The following LPAR3 variants were observed in gnomAD, a reference collection of about 807,000 sequenced individuals.
The protein encoded by LPAR3 is lysophosphatidic acid receptor 3, also known as LPA receptor 3.
Under a neutral mutation model 17.8 loss-of-function variants are expected in LPAR3, and 7 were observed. The observed-to-expected ratio is 0.39, with a 90% CI of 0.22 to 0.74. The LOEUF (loss-of-function observed/expected upper bound fraction) is 0.74. Among genes scored for constraint, LPAR3 ranks in the 30% least tolerant of loss-of-function variants. The probability of loss-of-function intolerance (pLI) is 0.40; values close to 1 mark genes in which losing one functional copy is unlikely to be tolerated. For missense variants in LPAR3, 391 were observed against 453.4 expected (o/e 0.86, Z 1.25); for synonymous variants, 179 against 179.9 (o/e 0.99, Z 0.04).
At chr1:84,846,918 A>G (rs1659604241) in intron 2 of LPAR3, among the ~76,000 whole-genome samples, 1 of 152,172 alleles carries the variant, frequency 6.6e-6, no homozygotes, top group African/African-American at 2.4e-5. Context: ...CTATCTGGAA[A>G]TTTTGGAGGG....
intron 2 of LPAR3, among the ~76,000 whole-genome samples, chr1:84,821,572 C>T (rs1659053838): frequency 6.6e-6 from 1 of 152,166 alleles, no homozygotes; most frequent in Admixed American, 6.6e-5. Flanking sequence ...AAACCTAGTC[C>T]TGCCAAATGA....
intron 1 of LPAR3, among the ~76,000 whole-genome samples, chr1:84,872,782 G>A (rs530572062): frequency 2.0e-5 from 3 of 152,268 alleles, no homozygotes; most frequent in East Asian, 3.9e-4. Context: ...GGCGGGCGGT[G>A]GGGGCAGTTA....
intron 1 of LPAR3, among the ~76,000 whole-genome samples, chr1:84,867,956 C>A (rs1660085300): frequency 6.6e-6 from 1 of 152,144 alleles, no homozygotes; most frequent in Non-Finnish European, 1.5e-5. Flanking sequence ...CTGTATTTCA[C>A]TTTTATAAGC....
At chr1:84,829,854 C>T (rs988607031) in intron 2 of LPAR3, among the ~76,000 whole-genome samples, 1 of 152,086 alleles carries the variant, frequency 6.6e-6, no homozygotes, top group Non-Finnish European at 1.5e-5. Context: ...ATAAATAGAA[C>T]ATGTATAAGA....
At position 84,835,565 on chromosome 1, in the gene LPAR3, T is replaced by C. The variant is rs1007891358; in HGVS notation, c.737-21394A>G. ...TTGGCATAACATTTGACTCTGTTGA[T>C]GGCTATTTAGATCTGGAACCTCCTA... is the stretch of plus-strand genomic sequence containing the variant. On this transcript the variant is annotated intron_variant, in intron 2 of 2. Transcript: ENST00000370611. 1.7e-4 allele frequency among the ~76,000 whole-genome samples: 26 copies of C among 152,224 alleles called. 2 individuals are homozygous for C. Among genetic ancestry groups the C allele is most frequent in the Non-Finnish European group, 4.4e-5 (3 of 68,032 alleles).
intron 1 of LPAR3, among the ~76,000 whole-genome samples, chr1:84,890,908 A>C (rs980491785): frequency 2.0e-5 from 3 of 152,140 alleles, no homozygotes; most frequent in Non-Finnish European, 4.4e-5. Flanking sequence ...TGATGTTGAG[A>C]GTGTGTGTCT....
chr1:84,884,487 TA>T (rs1660422688), intron 1 of LPAR3, among the ~76,000 whole-genome samples: 2 of 152,206 alleles, frequency 1.3e-5, no homozygotes, highest in African/African-American at 4.8e-5. Context: ...GAGTTTTTGG[TA>T]AGAGTTTATG....
intron 1 of LPAR3, 102 bp from the exon 2 acceptor site, chr1:84,866,240 G>C (rs1660046921): frequency 2.3e-6 from 2 of 856,760 alleles, no homozygotes; most frequent in Admixed American, 2.6e-5. Context: ...CCCATCAAGG[G>C]AGTTGAAGAC....
chr1:84,835,827 C>A (rs1659392411), intron 2 of LPAR3, among the ~76,000 whole-genome samples: 1 of 152,124 alleles, frequency 6.6e-6, no homozygotes, highest in South Asian at 2.1e-4. Context: ...CCTGCCCACA[C>A]TTCTTGGTCA....
chr1:84,850,412 A>AAAAAAAG (rs1553148195), intron 2 of LPAR3, among the ~76,000 whole-genome samples: 55 of 149,702 alleles, frequency 3.7e-4, no homozygotes, highest in Non-Finnish European at 6.5e-4. Flanking sequence ...AAAAAAAAAA[A>AAAAAAAG]AAAAAGAAAA....
At position 84,814,108 on chromosome 1, in the gene LPAR3, C is replaced by CT; in HGVS notation, c.799dup (p.Arg267LysfsTer66). ...TTTCACATGCTGCACGCCACACTGCCTGCAGTTCAGGCCGTCGAGGAGCAG... is the reference window on the plus strand; with the variant it reads ...TTTCACATGCTGCACGCCACACTGCCTTGCAGTTCAGGCCGTCGAGGAGCAG... On this transcript the variant is annotated frameshift_variant, in exon 3 of 3. Transcript: ENST00000370611. LOFTEE classifies it high-confidence loss of function. 1 of 1,614,196 alleles carries CT rather than the reference C, an allele frequency of 6.2e-7. No individual in the cohort carries two copies. Among genetic ancestry groups the CT allele is most frequent in the Non-Finnish European group, 8.5e-7 (1 of 1,180,032 alleles).
At chr1:84,851,415 G>A (rs1432873117) in intron 2 of LPAR3, among the ~76,000 whole-genome samples, 1 of 152,056 alleles carries the variant, frequency 6.6e-6, no homozygotes, top group African/African-American at 2.4e-5. Flanking sequence ...CATTTACTGA[G>A]TGCCTACTGT....
At chr1:84,867,746 T>C (rs943093404) in intron 1 of LPAR3, among the ~76,000 whole-genome samples, 5 of 152,114 alleles carry the variant, frequency 3.3e-5, no homozygotes, top group Non-Finnish European at 7.4e-5. Flanking sequence ...TAAAAATTAC[T>C]CTCTTTGGCA....
At chr1:84,831,613 A>G (rs1659284647) in intron 2 of LPAR3, among the ~76,000 whole-genome samples, 1 of 151,926 alleles carries the variant, frequency 6.6e-6, no homozygotes. Flanking sequence ...TCATTTGACT[A>G]CTTAAATAGT....
chr1:84,888,011 G>T (rs958786586), intron 1 of LPAR3, among the ~76,000 whole-genome samples: 2 of 152,024 alleles, frequency 1.3e-5, no homozygotes, highest in Non-Finnish European at 2.9e-5. Context: ...ATGGGTGTAC[G>T]CTGGTTATAT....
At chr1:84,890,745 G>T (rs2389789) in intron 1 of LPAR3, among the ~76,000 whole-genome samples, 101,265 of 152,088 alleles carry the variant, frequency 0.67, 34,167 homozygotes, top group East Asian at 0.85. Context: ...GTAATCTGAG[G>T]TACAGTAATT....
intron 2 of LPAR3, among the ~76,000 whole-genome samples, chr1:84,854,139 T>C (rs942684): frequency 0.031 from 4,795 of 152,284 alleles, 112 homozygotes; most frequent in Non-Finnish European, 0.05. Flanking sequence ...CAGATTGTCA[T>C]TACTATTCAA....
At chr1:84,874,786 T>C (rs780033664) in intron 1 of LPAR3, among the ~76,000 whole-genome samples, 4 of 152,248 alleles carry the variant, frequency 2.6e-5, no homozygotes, top group Non-Finnish European at 4.4e-5. Context: ...TTAAAATTAA[T>C]ATTATTTACA....
chr1:84,818,291 C>A (rs921115377), intron 2 of LPAR3, among the ~76,000 whole-genome samples: 1 of 152,110 alleles, frequency 6.6e-6, no homozygotes, highest in Non-Finnish European at 1.5e-5. Context: ...TAGGAATTAT[C>A]GTATTATGAC....
Sources: gnomAD v4.1 joint callset for allele counts (sites outside exome capture counted in the v4.1 genomes callset) on GRCh38, gnomAD v4.1.1 for gene constraint, MANE v1.5 for transcripts, NCBI Gene and HGNC (gene_info 2026-07-23, HGNC 2026-07-21) for gene names.